The following SLC9A9 variants were observed in gnomAD, a reference collection of about 807,000 sequenced individuals.
The protein encoded by SLC9A9 is sodium/hydrogen exchanger 9.
A neutral mutation model predicts 77.8 loss-of-function variants in SLC9A9; 62 were observed. That is an observed-to-expected ratio of 0.80 (90% CI 0.65 to 0.98). The LOEUF (loss-of-function observed/expected upper bound fraction) is 0.98. Among genes scored for constraint, SLC9A9 ranks in the 50% least tolerant of loss-of-function variants. The pLI, the probability that SLC9A9 is intolerant of heterozygous loss-of-function variation, is 0.00. For missense variants in SLC9A9, 775 were observed against 774.9 expected, an observed-to-expected ratio of 1.00 and a Z score of 0.00; for synonymous variants, 320 against 283.5, an observed-to-expected ratio of 1.13 and a Z score of -1.29.
chr3:143,366,907 C>G lies in SLC9A9; in HGVS notation c.1525-3344G>C, dbSNP rs372633000. Among the ~76,000 whole-genome samples, 29 of 152,306 alleles carry G rather than the reference C, an allele frequency of 1.9e-4. No homozygotes were observed. In the East Asian group the frequency reaches 5.0e-3, roughly 26 times the overall value. ...AATGCTCCTCCTGCAGGCTGAGATA[C>G]AGCAGGTATACATACCCCAAAACAT... On this transcript the variant is annotated intron_variant, in intron 13 of 15. Coordinates refer to ENST00000316549, the MANE Select transcript of SLC9A9 (RefSeq NM_173653.4).
chr3:143,436,275 CCTT>C (rs2034620393), intron 12 of SLC9A9, among the ~76,000 whole-genome samples: 1 of 152,214 alleles, frequency 6.6e-6, no homozygotes, highest in Non-Finnish European at 1.5e-5. Flanking sequence ...CGCATGACCT[CCTT>C]CTCACAGGCA....
At chr3:143,382,444 A>G (rs1451734621) in intron 12 of SLC9A9, among the ~76,000 whole-genome samples, 1 of 152,152 alleles carries the variant, frequency 6.6e-6, no homozygotes, top group Non-Finnish European at 1.5e-5. Context: ...TCTGGAAAGA[A>G]GGTGACCTGG....
At chr3:143,729,721 T>C (rs576427018) in intron 4 of SLC9A9, among the ~76,000 whole-genome samples, 1 of 152,268 alleles carries the variant, frequency 6.6e-6, no homozygotes, top group African/African-American at 2.4e-5. Context: ...TACTGTGACT[T>C]CTTACCCCCT....
chr3:143,671,393 T>C (rs1388181739), intron 5 of SLC9A9, among the ~76,000 whole-genome samples: 1 of 152,198 alleles, frequency 6.6e-6, no homozygotes, highest in African/African-American at 2.4e-5. Context: ...CTAGCTTCCA[T>C]ACCTATATTT....
chr3:143,279,022 T>C (rs1938134147), intron 14 of SLC9A9, among the ~76,000 whole-genome samples: 1 of 149,428 alleles, frequency 6.7e-6, no homozygotes, highest in Non-Finnish European at 1.5e-5. Context: ...GGGCACATAA[T>C]AAGCATTCTA....
rs533487790 is a variant in SLC9A9, at chr3:143,620,902, G to A, written c.755+31353C>T. On this transcript the variant is annotated intron_variant, in intron 6 of 15. Coordinates refer to ENST00000316549, the MANE Select transcript of SLC9A9 (RefSeq NM_173653.4). Reference sequence around the variant, plus strand: ...GGTGACAGACGGCACCTGGAAAATCGGGTCACTCCCACCCTAATACTGCGC... The same window carrying A: ...GGTGACAGACGGCACCTGGAAAATCAGGTCACTCCCACCCTAATACTGCGC... Among the ~76,000 whole-genome samples the A allele has an allele frequency of 1.2e-3, 183 of 152,190 alleles. 1 individual carries two copies. Among genetic ancestry groups the A allele is most frequent in the Non-Finnish European group, 2.0e-3 (137 of 68,004 alleles).
At chr3:143,814,869 C>T (rs531684646) in intron 2 of SLC9A9, among the ~76,000 whole-genome samples, 48 of 152,212 alleles carry the variant, frequency 3.2e-4, no homozygotes, top group African/African-American at 1.2e-3. Flanking sequence ...GACTGCCTTA[C>T]ACCAAGAAGT....
chr3:143,507,197 CATT>C (rs1249395315), intron 9 of SLC9A9, among the ~76,000 whole-genome samples: 1 of 151,226 alleles, frequency 6.6e-6, no homozygotes, highest in Non-Finnish European at 1.5e-5. Context: ...TTATTATTAT[CATT>C]ATTATTATTA....
At chr3:143,319,611 GCCT>G (rs2031344065) in intron 14 of SLC9A9, among the ~76,000 whole-genome samples, 4 of 152,186 alleles carry the variant, frequency 2.6e-5, no homozygotes, top group Admixed American at 1.3e-4. Context: ...TCTGGAACCA[GCCT>G]CTGAATTAGC....
chr3:143,761,874 A>G (rs1380764129), intron 4 of SLC9A9, among the ~76,000 whole-genome samples: 2 of 152,226 alleles, frequency 1.3e-5, no homozygotes, highest in Non-Finnish European at 1.5e-5. Flanking sequence ...TCATGCTGCT[A>G]TAAAGACACA....
At chr3:143,741,961 T>C (rs1935084182) in intron 4 of SLC9A9, among the ~76,000 whole-genome samples, 1 of 152,114 alleles carries the variant, frequency 6.6e-6, no homozygotes. Flanking sequence ...AAAGCAGACC[T>C]CCTTCTTGCC....
intron 5 of SLC9A9, among the ~76,000 whole-genome samples, chr3:143,675,631 G>A (rs770815954): frequency 1.3e-5 from 2 of 151,942 alleles, no homozygotes; most frequent in Admixed American, 1.3e-4. Context: ...TTCACTTCAC[G>A]GCAGACACAA....
intron 5 of SLC9A9, among the ~76,000 whole-genome samples, chr3:143,660,056 G>A (rs1463716092): frequency 6.6e-6 from 1 of 152,218 alleles, no homozygotes; most frequent in Non-Finnish European, 1.5e-5. Context: ...CCAGCCATGT[G>A]GAGCTGTGAG....
chr3:143,268,086 G>T lies in SLC9A9; in HGVS notation c.1710+789C>A, dbSNP rs555865226. 2.0e-5 allele frequency among the ~76,000 whole-genome samples: 3 copies of T among 152,310 alleles called. No homozygotes were observed. In the East Asian group the frequency reaches 5.8e-4, roughly 29 times the overall value. ...CCACTGCCTTAGGCTTCTGTGCCCT[G>T]AACACACCTGAGATAAGTTTTTGCC... is the stretch of plus-strand genomic sequence containing the variant. On this transcript the variant is annotated intron_variant, in intron 15 of 15. Coordinates refer to ENST00000316549, the MANE Select transcript of SLC9A9 (RefSeq NM_173653.4).
At chr3:143,564,000 A>G (rs2037128632) in intron 8 of SLC9A9, among the ~76,000 whole-genome samples, 1 of 152,156 alleles carries the variant, frequency 6.6e-6, no homozygotes, top group Non-Finnish European at 1.5e-5. Context: ...GCTGACCCAC[A>G]GCAGTGTCCA....
chr3:143,357,195 CA>C (rs1417912372), intron 14 of SLC9A9, among the ~76,000 whole-genome samples: 3 of 152,148 alleles, frequency 2.0e-5, no homozygotes, highest in African/African-American at 7.2e-5. Context: ...TTACATTTTG[CA>C]AGTGAGAGCT....
Position 143,580,572 on chromosome 3 carries a change from T to C in SLC9A9, c.756-1849A>G, listed in dbSNP as rs113607066. On this transcript the variant is annotated intron_variant, in intron 6 of 15. Coordinates refer to ENST00000316549, the MANE Select transcript of SLC9A9 (RefSeq NM_173653.4). ...AGGAGATTTTATTAAAGAATATCTA[T>C]GAAATCATAAGTTCGATGTGCTAAT... is the stretch of plus-strand genomic sequence containing the variant. Among the ~76,000 whole-genome samples, 6 of 152,358 alleles carry C rather than the reference T, an allele frequency of 3.9e-5. 1 individual carries two copies. Among genetic ancestry groups the C allele is most frequent in the African/African-American group, 1.4e-4 (6 of 41,588 alleles).
intron 5 of SLC9A9, among the ~76,000 whole-genome samples, chr3:143,689,228 A>G (rs943431367): frequency 7.2e-5 from 11 of 152,128 alleles, no homozygotes; most frequent in Admixed American, 2.0e-4. Flanking sequence ...TACATTTACC[A>G]TTATCTCTTT....
chr3:143,762,001 C>T (rs1160581747), intron 4 of SLC9A9, among the ~76,000 whole-genome samples: 2 of 152,156 alleles, frequency 1.3e-5, no homozygotes, highest in African/African-American at 4.8e-5. Context: ...CCATGGAATA[C>T]TATGCAGCCA....
Sources: allele counts gnomAD v4.1 joint callset (sites outside exome capture counted in the v4.1 genomes callset), GRCh38; gene constraint gnomAD v4.1.1; transcripts MANE v1.5; gene names NCBI Gene and HGNC (gene_info 2026-07-23, HGNC 2026-07-21).